Variants in BCAR3 observed in about 807,000 individuals in gnomAD.
BCAR3 encodes the protein breast cancer anti-estrogen resistance protein 3.
In BCAR3, 37 loss-of-function variants were observed where a neutral mutation model predicts 80.1. The ratio of observed to expected loss-of-function variants is 0.46; its 90% confidence interval spans 0.36 to 0.61. BCAR3 has a LOEUF of 0.61. BCAR3 is among the 20% of genes least tolerant of loss of function. BCAR3 has a pLI of 0.00. For missense variants in BCAR3, 978 were observed against 1,068.2 expected (o/e 0.92, Z 1.18); for synonymous variants, 389 against 418.9 (o/e 0.93, Z 0.87).
intron 3 of BCAR3, chr1:93,613,900 G>A: frequency 1.3e-6 from 2 of 1,550,578 alleles, no homozygotes; most frequent in East Asian, 2.4e-5. Context: ...GCTGCTGAGA[G>A]GGCGTGGAAA....
chr1:93,568,850 T>A (rs989645404), intron 9 of BCAR3, among the ~76,000 whole-genome samples: 9 of 151,996 alleles, frequency 5.9e-5, no homozygotes, highest in African/African-American at 2.2e-4. Flanking sequence ...TGAGATGGGG[T>A]CTCACTCTGT....
At chr1:93,840,353 A>G (rs1192883198) in intron 2 of BCAR3, among the ~76,000 whole-genome samples, 1 of 152,164 alleles carries the variant, frequency 6.6e-6, no homozygotes, top group African/African-American at 2.4e-5. Flanking sequence ...CCTACCTTAG[A>G]GGGTTGTTAT....
chr1:93,818,390 T>C (rs1261337244), intron 2 of BCAR3, among the ~76,000 whole-genome samples: 1 of 152,168 alleles, frequency 6.6e-6, no homozygotes, highest in Non-Finnish European at 1.5e-5. Flanking sequence ...GCAGGCTAAA[T>C]ACCTTGGTCT....
intron 2 of BCAR3, among the ~76,000 whole-genome samples, chr1:93,747,665 G>A (rs1417015578): frequency 1.3e-5 from 2 of 151,524 alleles, no homozygotes; most frequent in East Asian, 1.9e-4. Context: ...AATTTGAGCT[G>A]CTACCAGAAC....
intron 3 of BCAR3, among the ~76,000 whole-genome samples, chr1:93,639,038 G>A (rs1261460324): frequency 6.6e-6 from 1 of 152,196 alleles, no homozygotes; most frequent in Non-Finnish European, 1.5e-5. Flanking sequence ...AGCCTTTGGG[G>A]TCTTGGTGCT....
chr1:93,716,911 G>A (rs1650208398), intron 2 of BCAR3, among the ~76,000 whole-genome samples: 1 of 152,192 alleles, frequency 6.6e-6, no homozygotes, highest in Non-Finnish European at 1.5e-5. Flanking sequence ...GCAGGTGCAC[G>A]AGTGGTGAAG....
intron 2 of BCAR3, among the ~76,000 whole-genome samples, chr1:93,836,883 T>C (rs1041687296): frequency 2.6e-5 from 4 of 152,050 alleles, no homozygotes; most frequent in Non-Finnish European, 5.9e-5. Context: ...CTGAGCATCT[T>C]GTGACCCCCG....
chr1:93,609,066 C>T (rs139787098), intron 3 of BCAR3, among the ~76,000 whole-genome samples: 37 of 152,252 alleles, frequency 2.4e-4, no homozygotes, highest in Non-Finnish European at 4.3e-4. Flanking sequence ...ACCACACACA[C>T]GCACCGCCAC....
intron 2 of BCAR3, among the ~76,000 whole-genome samples, chr1:93,801,317 G>A (rs1391057662): frequency 6.6e-6 from 1 of 152,046 alleles, no homozygotes; most frequent in African/African-American, 2.4e-5. Context: ...CTGTATAACT[G>A]GCCAATTTAT....
intron 2 of BCAR3, among the ~76,000 whole-genome samples, chr1:93,741,735 ATT>A (rs1287487828): frequency 6.6e-6 from 1 of 151,820 alleles, no homozygotes; most frequent in Non-Finnish European, 1.5e-5. Context: ...CACCCAGCTA[ATT>A]TTTTTGTATT....
At chr1:93,812,933 T>C (rs1653896446) in intron 2 of BCAR3, among the ~76,000 whole-genome samples, 1 of 152,230 alleles carries the variant, frequency 6.6e-6, no homozygotes, top group African/African-American at 2.4e-5. Context: ...TTCTACTCTA[T>C]GTCCTTTTTC....
chr1:93,769,355 ATGTGTGTGTGTGTGTGTGTGTG>A lies in BCAR3; in HGVS notation c.-62-63235_-62-63214del, dbSNP rs59798936. Among the ~76,000 whole-genome samples the A allele has an allele frequency of 5.3e-3, 631 of 119,914 alleles. 3 individuals are homozygous for A. The highest frequency in any genetic ancestry group is 0.015 in the African/African-American group (469 of 31,502). 78.7% of individuals were successfully genotyped at this position (119,914 alleles called of 152,430 possible). A position where few individuals can be genotyped will look rare whatever the true frequency, so the allele number is the denominator to read the frequency against. Reference sequence around the variant, plus strand: ...TTTAGGACTAAATATGTGGGTAGGAATGTGTGTGTGTGTGTGTGTGTGTGTGTGTGTGTGTGTGTGTGTGTGT... The same window carrying A: ...TTTAGGACTAAATATGTGGGTAGGAATGTGTGTGTGTGTGTGTGTGTGTGT... On this transcript the variant is annotated intron_variant, in intron 2 of 13. Coordinates refer to the BCAR3 transcript ENST00000370244.
At chr1:93,734,199 G>C (rs1184193455) in intron 2 of BCAR3, among the ~76,000 whole-genome samples, 2 of 152,232 alleles carry the variant, frequency 1.3e-5, no homozygotes, top group Non-Finnish European at 2.9e-5. Flanking sequence ...CTGACATGAA[G>C]TTTCAAGGCG....
At chr1:93,678,991 C>A (rs1352743352) in intron 1 of BCAR3, among the ~76,000 whole-genome samples, 1 of 152,136 alleles carries the variant, frequency 6.6e-6, no homozygotes, top group Non-Finnish European at 1.5e-5. Flanking sequence ...TTCTTATGTA[C>A]CATTTGATTT....
At chr1:93,758,894 G>C (rs1429763335) in intron 2 of BCAR3, among the ~76,000 whole-genome samples, 1 of 152,226 alleles carries the variant, frequency 6.6e-6, no homozygotes, top group South Asian at 2.1e-4. Flanking sequence ...TGTCTGCACT[G>C]TGAACCTTTC....
chr1:93,751,061 C>T lies in BCAR3; in HGVS notation c.-62-44919G>A, dbSNP rs150950620. ...ATGGTAACCAAGAAACACCACCAAACGCCCGGCACACCGGCAAGCCCTGCA... is the reference window on the plus strand; with the variant it reads ...ATGGTAACCAAGAAACACCACCAAATGCCCGGCACACCGGCAAGCCCTGCA... On this transcript the variant is annotated intron_variant, in intron 2 of 13. Transcript: ENST00000370244. 2.8e-4 allele frequency among the ~76,000 whole-genome samples: 42 copies of T among 152,266 alleles called. 2 individuals are homozygous for T. The East Asian group carries it at 6.8e-3, about 25-fold the overall frequency.
At chr1:93,585,772 T>C (rs1490304637) in intron 5 of BCAR3, among the ~76,000 whole-genome samples, 3 of 152,178 alleles carry the variant, frequency 2.0e-5, no homozygotes, top group Non-Finnish European at 4.4e-5. Context: ...AGGCTCTCGC[T>C]CTGTTGCCCA....
chr1:93,568,914 C>T (rs1673088989), intron 9 of BCAR3, among the ~76,000 whole-genome samples: 1 of 152,160 alleles, frequency 6.6e-6, no homozygotes, highest in South Asian at 2.1e-4. Context: ...CCTCAACCTC[C>T]CAGGCTCAGT....
chr1:93,832,023 C>T (rs1207737935), intron 2 of BCAR3, among the ~76,000 whole-genome samples: 1 of 152,168 alleles, frequency 6.6e-6, no homozygotes, highest in African/African-American at 2.4e-5. Flanking sequence ...CCGCCCTAGA[C>T]CCAGAAGGGC....
Sources: allele counts gnomAD v4.1 joint callset (sites outside exome capture counted in the v4.1 genomes callset), GRCh38; gene constraint gnomAD v4.1.1; transcripts MANE v1.5; gene names NCBI Gene and HGNC (gene_info 2026-07-23, HGNC 2026-07-21).